The following FAM161B variants were observed in gnomAD, a reference collection of about 807,000 sequenced individuals.
The protein encoded by FAM161B is protein FAM161B.
FAM161B carries 46 observed loss-of-function variants against 61.5 expected under a neutral mutation model. The observed-to-expected ratio is 0.75, with a 90% CI of 0.59 to 0.96. The LOEUF is 0.96. Ranked by LOEUF, FAM161B falls within the 40% of genes least tolerant of loss-of-function variation. The pLI is 0.00. For missense variants in FAM161B, 774 were observed against 800.7 expected (o/e 0.97, Z 0.40); for synonymous variants, 284 against 302.7 (o/e 0.94, Z 0.64).
downstream of FAM161B, chr14:73,927,850 A>ATTTTTTTTTTTTT (rs769693607): frequency 7.4e-6 from 1 of 135,246 alleles, no homozygotes. Context: ...TTTTTTTTTA[A>ATTTTTTTTTTTTT]TTTTTTAGAC....
At chr14:73,937,520 C>T in intron 7 of FAM161B, 82 bp downstream of exon 7, 2 of 1,320,844 alleles carry the variant, frequency 1.5e-6, no homozygotes, top group South Asian at 2.6e-5. Flanking sequence ...AATTTTAATA[C>T]CCACATATTA....
In FAM161B at chr14:73,934,335, A is replaced by G. The variant is rs17094077; in HGVS notation, c.1865T>C (p.Leu622Pro). Residue 622 changes from leucine to proline, a missense_variant, in exon 9 of 9, where the codon CTA becomes CCA. Leu to Pro is a moderately conservative substitution (Grantham distance 98). Transcript: ENST00000286544. ...TTTCCTGGGGCTTGCAGGCTGTTCT[A>G]GAGATCCTTCTAAACCCTGCTCTGG... ...RDPEQGLEGS[L>P]EQPASPRKVL... The G allele has an allele frequency of 3.3e-3, 5,289 of 1,614,126 alleles. 143 individuals carry two copies. The Admixed American group carries it at 0.05, about 15-fold the overall frequency.
Position 73,936,046 on chromosome 14 carries a change from G to A in FAM161B, c.1708C>T (p.Leu570=). 6.2e-7 allele frequency: 1 copy of A among 1,613,738 alleles called. No homozygotes were observed. The highest frequency in any genetic ancestry group is 1.7e-5 in the Admixed American group (1 of 59,992). The change falls in exon 8 of 9, where the codon CTG becomes TTG. Residue 570 remains leucine (L), a synonymous_variant. Transcript: ENST00000286544. The stretch of plus-strand genomic sequence containing the variant: ...TCTTCCTCCAGCCCAGCCTGCTTCA[G>A]GGTGTCTAGATACCACTGTTCTGCT... ...KEAEQWYLDT[L]KQAGLEEDFV... is the part of the protein sequence containing the mutation.
Position 73,932,757 on chromosome 14 carries a change from T to TA in FAM161B, c.*1498dup. 1 of 279,364 alleles carries TA rather than the reference T, an allele frequency of 3.6e-6. No individual in the cohort carries two copies. Among genetic ancestry groups the TA allele is most frequent in the African/African-American group, 2.2e-5 (1 of 44,534 alleles). 17.3% of individuals were successfully genotyped at this position (279,364 alleles called of 1,614,324 possible). A position where few individuals can be genotyped will look rare whatever the true frequency, so the allele number is the denominator to read the frequency against. On this transcript the variant is annotated 3_prime_UTR_variant, in exon 9 of 9. Transcript: ENST00000286544. ...CTCCCACCTCAGCCTCCTGAATAGC[T>TA]AGGACTATAGGCATGTACCACCAGT... is the stretch of plus-strand genomic sequence containing the variant.
At chr14:73,936,569 T>C (rs537148959) in intron 7 of FAM161B, among the ~76,000 whole-genome samples, 1 of 152,318 alleles carries the variant, frequency 6.6e-6, no homozygotes, top group African/African-American at 2.4e-5. Context: ...AATATTATTT[T>C]TTGTTTAAGT....
downstream of FAM161B, among the ~76,000 whole-genome samples, chr14:73,930,387 T>G (rs1165256892): frequency 6.6e-6 from 1 of 152,208 alleles, no homozygotes; most frequent in Non-Finnish European, 1.5e-5. Context: ...GATCTCAAAT[T>G]TCTGGCCTCA....
rs1555355549 is a variant in FAM161B, at chr14:73,935,070, A to AAG, written c.1806-678_1806-677dup. On this transcript the variant is annotated intron_variant, in intron 8 of 8. Transcript: ENST00000286544. ...GAGCAAGACTCCGTCTCAAAAAAAAAAGTCTCAACATTATTACTATTTTAT... is the reference window on the plus strand; with the variant it reads ...GAGCAAGACTCCGTCTCAAAAAAAAAAGAGTCTCAACATTATTACTATTTTAT... 7.2e-4 allele frequency among the ~76,000 whole-genome samples: 108 copies of AAG among 150,224 alleles called. 3 individuals carry two copies. Among genetic ancestry groups the AAG allele is most frequent in the Admixed American group, 5.5e-3 (83 of 15,120 alleles).
chr14:73,938,588 C>T (rs1355219243), intron 5 of FAM161B, among the ~76,000 whole-genome samples: 5 of 151,232 alleles, frequency 3.3e-5, no homozygotes, highest in African/African-American at 9.7e-5. Flanking sequence ...CTGGCTAACA[C>T]TGTGAAACCC....
the FAM161B span, chr14:73,923,307 T>G: frequency 6.9e-7 from 1 of 1,440,136 alleles, no homozygotes; most frequent in Non-Finnish European, 9.3e-7. Context: ...GAATAGAGTT[T>G]TAGAGTTGTT....
chr14:73,939,181 T>G (rs2055996756), intron 5 of FAM161B, among the ~76,000 whole-genome samples: 1 of 151,948 alleles, frequency 6.6e-6, no homozygotes, highest in Non-Finnish European at 1.5e-5. Flanking sequence ...GTGCCGGTAA[T>G]CCCAGCTACT....
chr14:73,935,886 C>T, intron 8 of FAM161B, 63 bp downstream of exon 8: 1 of 1,516,064 alleles, frequency 6.6e-7, no homozygotes, highest in Non-Finnish European at 8.9e-7. Context: ...AGTTTCCTCC[C>T]AGTGGTATTA....
rs1025232097 is a variant in FAM161B at position 73,944,453 on chromosome 14, C to T, written c.807G>A (p.Lys269=). Residue 269 remains lysine, a synonymous_variant, in exon 3 of 9, where the codon AAG becomes AAA. Transcript: ENST00000286544. Reference sequence around the variant, plus strand: ...CCAAGTCTCTCTGTCGAGCAGCTTCCTTTAGCTGCTCCTCCTTCTCCAGGA... The same window carrying T: ...CCAAGTCTCTCTGTCGAGCAGCTTCTTTTAGCTGCTCCTCCTTCTCCAGGA... The part of the protein sequence containing the change: ...FSFLEKEEQL[K]EAARQRDLAA... The T allele has an allele frequency of 1.9e-6, 3 of 1,613,754 alleles. No individual in the cohort carries two copies.
the FAM161B span, among the ~76,000 whole-genome samples, chr14:73,926,265 C>T: frequency 6.6e-6 from 1 of 152,060 alleles, no homozygotes; most frequent in African/African-American, 2.4e-5. Context: ...AGTCTATGTT[C>T]TTTTTTTCCT....
chr14:73,936,439 G>C (rs1037419419), intron 7 of FAM161B, among the ~76,000 whole-genome samples: 2 of 152,036 alleles, frequency 1.3e-5, no homozygotes, highest in Non-Finnish European at 2.9e-5. Flanking sequence ...TAAAAGGATG[G>C]ACTAAAAACC....
At chr14:73,923,048 AAGTGCTATT>A in the FAM161B span, among the ~76,000 whole-genome samples, 3 of 152,160 alleles carry the variant, frequency 2.0e-5, no homozygotes, top group Non-Finnish European at 4.4e-5. Context: ...TTCAGTTAGT[AAGTGCTATT>A]AGTATCATTG....
At position 73,942,563 on chromosome 14, in the gene FAM161B, T is replaced by C; in HGVS notation, c.1078A>G (p.Thr360Ala). The change falls in exon 4 of 9, where the codon ACT becomes GCT. Residue 360 changes from threonine to alanine, a missense_variant. Physicochemically the swap from Thr to Ala is moderately conservative, Grantham distance 58 (BLOSUM62 0). Coordinates refer to ENST00000286544, the MANE Select transcript of FAM161B (RefSeq NM_152445.3). ...ACCCGAGGCTGGAATCTGAAGTTAG[T>C]GTGCAGAAACCCAAGCTTTTCCTGC... ...TQQEKLGFLH[T>A]NFRFQPRVNP... The C allele has an allele frequency of 5.6e-6, 9 of 1,614,210 alleles. No homozygotes were observed. The highest frequency in any genetic ancestry group is 7.6e-6 in the Non-Finnish European group (9 of 1,180,032).
chr14:73,943,353 C>T (rs1327405675), intron 3 of FAM161B, among the ~76,000 whole-genome samples: 2 of 152,192 alleles, frequency 1.3e-5, no homozygotes, highest in Non-Finnish European at 2.9e-5. Context: ...ATCTATACAG[C>T]AATCAGAAGG....
At chr14:73,931,432 T>A (rs2055913275), downstream of FAM161B, 1 of 1,414,892 alleles carries the variant, frequency 7.1e-7, no homozygotes, top group Non-Finnish European at 9.9e-7. Flanking sequence ...CTCTTAATAC[T>A]TTTTACTATG....
At chr14:73,940,621 T>C (rs553317590) in intron 5 of FAM161B, among the ~76,000 whole-genome samples, 4 of 152,274 alleles carry the variant, frequency 2.6e-5, no homozygotes, top group Non-Finnish European at 4.4e-5. Flanking sequence ...TCAAAAAATA[T>C]GGCCATTGCT....
Sources: gnomAD v4.1 joint callset for allele counts (sites outside exome capture counted in the v4.1 genomes callset) on GRCh38, gnomAD v4.1.1 for gene constraint, MANE v1.5 for transcripts, NCBI Gene and HGNC (gene_info 2026-07-23, HGNC 2026-07-21) for gene names.